The following GLT1D1 variants were observed in gnomAD, a reference collection of about 807,000 sequenced individuals.
GLT1D1 encodes the protein glycosyltransferase 1 domain-containing protein 1.
A neutral mutation model predicts 28.7 loss-of-function variants in GLT1D1; 21 were observed. The ratio of observed to expected loss-of-function variants is 0.73; its 90% confidence interval spans 0.52 to 1.05. The LOEUF is 1.05. GLT1D1 is among the 50% of genes least tolerant of loss of function. GLT1D1 has a pLI of 0.00. For synonymous variants in GLT1D1, 147 were observed against 124.8 expected, an observed-to-expected ratio of 1.18 and a Z score of -1.19; for missense variants, 343 against 330.6, an observed-to-expected ratio of 1.04 and a Z score of -0.29.
At chr12:128,969,407 C>G (rs1467974667) in intron 7 of GLT1D1, among the ~76,000 whole-genome samples, 1 of 152,160 alleles carries the variant, frequency 6.6e-6, no homozygotes, top group Non-Finnish European at 1.5e-5. Flanking sequence ...CATTTCTGAG[C>G]CCCACCCTGG....
At chr12:128,893,926 G>A (rs1056488001) in intron 3 of GLT1D1, among the ~76,000 whole-genome samples, 2 of 152,148 alleles carry the variant, frequency 1.3e-5, no homozygotes, top group Non-Finnish European at 2.9e-5. Context: ...AAGTTTCCCA[G>A]CAAAGGAAGG....
intron 2 of GLT1D1, among the ~76,000 whole-genome samples, chr12:128,878,250 G>A (rs1278527641): frequency 2.6e-5 from 4 of 152,112 alleles, no homozygotes; most frequent in South Asian, 2.1e-4. Flanking sequence ...GAAGCCCACC[G>A]CTGAATATAT....
intron 4 of GLT1D1, chr12:128,912,426 G>A (rs777204339): frequency 2.4e-5 from 37 of 1,524,230 alleles, no homozygotes; most frequent in South Asian, 9.6e-5. Flanking sequence ...TTCAAAAGCC[G>A]CATGCTAAGG....
chr12:128,919,329 A>T (rs1314264593), intron 4 of GLT1D1, among the ~76,000 whole-genome samples: 1 of 152,148 alleles, frequency 6.6e-6, no homozygotes, highest in African/African-American at 2.4e-5. Flanking sequence ...CCAACTATTA[A>T]CCTTGAAATC....
At chr12:128,937,855 C>G (rs1217943569) in intron 4 of GLT1D1, among the ~76,000 whole-genome samples, 1 of 152,164 alleles carries the variant, frequency 6.6e-6, no homozygotes, top group Non-Finnish European at 1.5e-5. Context: ...TTTCCAGAGG[C>G]CTCCCCAGCC....
At chr12:128,942,185 C>T (rs1026287888) in intron 4 of GLT1D1, among the ~76,000 whole-genome samples, 52 of 151,736 alleles carry the variant, frequency 3.4e-4, no homozygotes, top group Admixed American at 6.6e-5. Flanking sequence ...GTGGAGCAGG[C>T]CCTGTGAAGG....
intron 7 of GLT1D1, among the ~76,000 whole-genome samples, chr12:128,958,066 C>T (rs1336245117): frequency 2.6e-5 from 4 of 152,198 alleles, no homozygotes; most frequent in African/African-American, 7.2e-5. Flanking sequence ...TACAGAAACA[C>T]GTGTGAATGT....
chr12:128,853,662 C>A lies in GLT1D1; in HGVS notation c.68+13C>A. The A allele has an allele frequency of 9.0e-7, 1 of 1,105,976 alleles. No individual in the cohort carries two copies. Among genetic ancestry groups the A allele is most frequent in the Admixed American group, 4.9e-5 (1 of 20,350 alleles). 68.5% of individuals were successfully genotyped at this position (1,105,976 alleles called of 1,614,324 possible). ...CCCAGCGCGTTCGGTAGGTGCAGGGCGCCGGGGCCTACGAAGCCTGGGCCG... is the reference window on the plus strand; with the variant it reads ...CCCAGCGCGTTCGGTAGGTGCAGGGAGCCGGGGCCTACGAAGCCTGGGCCG... On this transcript the variant is annotated intron_variant, in intron 1 of 7. Transcript: ENST00000281703.
At chr12:128,928,921 C>A (rs1873574078) in intron 4 of GLT1D1, among the ~76,000 whole-genome samples, 2 of 152,256 alleles carry the variant, frequency 1.3e-5, no homozygotes, top group African/African-American at 2.4e-5. Flanking sequence ...CGCACCCGGC[C>A]TCTTTGTGGG....
At position 128,939,843 on chromosome 12, in the gene GLT1D1, C is replaced by CG. The variant is rs1555271970; in HGVS notation, c.376-5483_376-5482insG. Among the ~76,000 whole-genome samples, 9 of 145,516 alleles carry CG rather than the reference C, an allele frequency of 6.2e-5. 1 individual carries two copies. Among genetic ancestry groups the CG allele is most frequent in the Middle Eastern group, 3.5e-3 (1 of 286 alleles). ...TGTTGCCAAATTGTTAGAAACCCCC[C>CG]CCCACCGCCGATCCAATCACCTCCT... On this transcript the variant is annotated intron_variant, in intron 4 of 7. Coordinates refer to ENST00000281703, the MANE Select transcript of GLT1D1 (RefSeq NM_144669.3).
At chr12:128,873,239 G>A (rs1404545425) in intron 1 of GLT1D1, among the ~76,000 whole-genome samples, 1 of 152,114 alleles carries the variant, frequency 6.6e-6, no homozygotes, top group Non-Finnish European at 1.5e-5. Context: ...TCTTTTTAAT[G>A]TATCCTTCTA....
intron 3 of GLT1D1, among the ~76,000 whole-genome samples, chr12:128,896,983 C>G (rs184960128): frequency 6.6e-6 from 1 of 152,222 alleles, no homozygotes; most frequent in African/African-American, 2.4e-5. Context: ...GATGCAGTTT[C>G]TCAAATTTCT....
At chr12:128,965,710 TAAAAAAAAAAAAAAA>T (rs757636287) in intron 7 of GLT1D1, among the ~76,000 whole-genome samples, 5 of 104,708 alleles carry the variant, frequency 4.8e-5, no homozygotes, top group Middle Eastern at 5.7e-3. Context: ...TGTCTCTGCT[TAAAAAAAAAAAAAAA>T]AAAAAAAAAA....
chr12:128,939,731 AGGAGGAAAAGCGCGAGGCT>A (rs1274197880), intron 4 of GLT1D1, among the ~76,000 whole-genome samples: 1 of 152,084 alleles, frequency 6.6e-6, no homozygotes, highest in Non-Finnish European at 1.5e-5. Flanking sequence ...TGTCTGGGTC[AGGAGGAAAAGCGCGAGGCT>A]GGAGGTGCCA....
At chr12:128,908,447 C>A (rs1238094268) in intron 4 of GLT1D1, among the ~76,000 whole-genome samples, 2 of 147,308 alleles carry the variant, frequency 1.4e-5, no homozygotes, top group African/African-American at 2.5e-5. Context: ...TTCTTTCCTT[C>A]TTTCCCTCTT....
chr12:128,890,060 T>C (rs1486145878), intron 3 of GLT1D1, among the ~76,000 whole-genome samples: 3 of 152,162 alleles, frequency 2.0e-5, no homozygotes, highest in Non-Finnish European at 2.9e-5. Flanking sequence ...GGGCATGAGA[T>C]ACCGTGCCCA....
Position 128,882,699 on chromosome 12 carries a change from T to C in GLT1D1, c.218-5940T>C, listed in dbSNP as rs182122841. 5.5e-3 allele frequency among the ~76,000 whole-genome samples: 843 copies of C among 152,226 alleles called. 6 individuals carry two copies. The highest frequency in any genetic ancestry group is 0.019 in the African/African-American group (802 of 41,570). ...CCTCTTGGGCATGTCTGTAAGATAT[T>C]TTTGGCATGCATACCGATCCATCGT... is the stretch of plus-strand genomic sequence containing the variant. On this transcript the variant is annotated intron_variant, in intron 2 of 7. Coordinates refer to ENST00000281703, the MANE Select transcript of GLT1D1 (RefSeq NM_144669.3).
intron 7 of GLT1D1, among the ~76,000 whole-genome samples, chr12:128,980,023 A>C (rs1205742738): frequency 6.6e-6 from 1 of 152,206 alleles, no homozygotes; most frequent in Non-Finnish European, 1.5e-5. Context: ...AAAACTGAAA[A>C]ACCTTAAGCT....
intron 2 of GLT1D1, among the ~76,000 whole-genome samples, chr12:128,879,451 T>TTTCTTTCC (rs1566096829): frequency 5.5e-5 from 7 of 127,564 alleles, no homozygotes; most frequent in African/African-American, 2.1e-4. Flanking sequence ...TCTTTCTTTC[T>TTTCTTTCC]TTCTTTCTTT....
Sources: gnomAD v4.1 joint callset for allele counts (sites outside exome capture counted in the v4.1 genomes callset) on GRCh38, gnomAD v4.1.1 for gene constraint, MANE v1.5 for transcripts, NCBI Gene and HGNC (gene_info 2026-07-23, HGNC 2026-07-21) for gene names.